Variants in TBCD observed in about 807,000 individuals in gnomAD.
TBCD encodes tubulin folding cofactor D.
A neutral mutation model predicts 169.3 loss-of-function variants in TBCD; 105 were observed. The ratio of observed to expected loss-of-function variants is 0.62; its 90% CI spans 0.53 to 0.73. TBCD has a LOEUF of 0.73. TBCD is among the 30% of genes least tolerant of loss of function. TBCD has a pLI of 0.00. For synonymous variants in TBCD, 700 were observed against 643.9 expected, an observed-to-expected ratio of 1.09 and a Z score of -1.32; for missense variants, 1,444 against 1,600.1, an observed-to-expected ratio of 0.90 and a Z score of 1.66.
At chr17:82,925,533 A>T (rs553611023) in intron 27 of TBCD, among the ~76,000 whole-genome samples, 1 of 151,732 alleles carries the variant, frequency 6.6e-6, no homozygotes, top group South Asian at 2.1e-4. Flanking sequence ...CCTGCCGGGA[A>T]CTCCTGCTTG....
At chr17:82,828,817 T>C (rs901873166) in intron 13 of TBCD, among the ~76,000 whole-genome samples, 1 of 149,200 alleles carries the variant, frequency 6.7e-6, no homozygotes. Flanking sequence ...ACCCACAGGA[T>C]CGAATGTGCA....
At chr17:82,872,943 GCCCGGCA>G (rs1567932306) in intron 14 of TBCD, among the ~76,000 whole-genome samples, 6 of 144,004 alleles carry the variant, frequency 4.2e-5, no homozygotes, top group South Asian at 4.2e-4. Context: ...TCTGAGCCAG[GCCCGGCA>G]CCTCGTGGCC....
chr17:82,861,543 G>A (rs2056765829), intron 13 of TBCD, among the ~76,000 whole-genome samples: 2 of 152,260 alleles, frequency 1.3e-5, no homozygotes, highest in Non-Finnish European at 2.9e-5. Context: ...ACCTGAGCCC[G>A]GCCCCGGTGT....
intron 7 of TBCD, chr17:82,796,102 C>T (rs1402071031): frequency 6.6e-6 from 1 of 152,256 alleles, no homozygotes; most frequent in Non-Finnish European, 1.5e-5. Flanking sequence ...TTCTTATCCC[C>T]CAGGCGCGGT....
chr17:82,909,440 C>T (rs564964758), intron 22 of TBCD, 133 bp downstream of exon 22: 42 of 588,312 alleles, frequency 7.1e-5, no homozygotes, highest in African/African-American at 5.6e-4. Flanking sequence ...GGGTGTCACC[C>T]GGCCCGCTGT....
intron 36 of TBCD, 71 bp downstream of exon 36, chr17:82,938,207 G>A (rs1382246220): frequency 5.9e-5 from 87 of 1,486,136 alleles, no homozygotes; most frequent in Non-Finnish European, 7.3e-5. Flanking sequence ...GAAGGCCTTC[G>A]CTGGCACTGT....
chr17:82,825,997 A>G (rs948935462), intron 13 of TBCD, among the ~76,000 whole-genome samples: 4 of 152,218 alleles, frequency 2.6e-5, no homozygotes, highest in African/African-American at 9.6e-5. Flanking sequence ...TTTTTCTCTC[A>G]CAGAAATTTT....
chr17:82,940,219 G>GCACACACACACACACACACACACACA (rs1422867605), intron 37 of TBCD, among the ~76,000 whole-genome samples: 13 of 94,626 alleles, frequency 1.4e-4, no homozygotes, highest in East Asian at 6.6e-4. Flanking sequence ...ACTTGCACGC[G>GCACACACACACACACACACACACACA]CGCACACACA....
intron 15 of TBCD, among the ~76,000 whole-genome samples, chr17:82,887,820 T>C (rs979579578): frequency 1.3e-5 from 2 of 152,254 alleles, no homozygotes; most frequent in African/African-American, 4.8e-5. Context: ...TTGTGGTCTT[T>C]ACCTGCGTTT....
intron 9 of TBCD, 94 bp from the exon 10 acceptor site, chr17:82,805,781 G>T: frequency 7.0e-7 from 1 of 1,435,890 alleles, no homozygotes; most frequent in South Asian, 1.3e-5. Flanking sequence ...TCACAGGCAC[G>T]CTTTAAGATT....
In TBCD at chr17:82,832,119, C is replaced by T. The variant is rs764451420; in HGVS notation, c.1318+17185C>T. 5.6e-6 allele frequency: 9 copies of T among 1,614,200 alleles called. No individual in the cohort carries two copies. Among genetic ancestry groups the T allele is most frequent in the Non-Finnish European group, 7.6e-6 (9 of 1,180,020 alleles). ...CCCGGGCTTGCAGCTCCAGGTTTTC[C>T]TTGATGTCTTCCCTGGCAGAGCTGT... On this transcript the variant is annotated intron_variant, in intron 13 of 38. Transcript: ENST00000355528. The surrounding 1 kb of genome is among the most constrained non-coding windows in gnomAD (Gnocchi z 4.9).
intron 4 of TBCD, 129 bp from the exon 5 acceptor site, chr17:82,768,291 G>T: frequency 8.8e-7 from 1 of 1,136,572 alleles, no homozygotes; most frequent in Non-Finnish European, 1.3e-6. Context: ...CTGGCCCTGA[G>T]GGTGATGGCA....
chr17:82,869,899 G>A (rs112452881), intron 13 of TBCD, among the ~76,000 whole-genome samples: 9 of 150,010 alleles, frequency 6.0e-5, no homozygotes, highest in South Asian at 2.1e-4. Context: ...CAGGAGCTGC[G>A]TTTCCTTGAG....
At chr17:82,786,971 A>G (rs1162517404) in intron 7 of TBCD, among the ~76,000 whole-genome samples, 1 of 151,850 alleles carries the variant, frequency 6.6e-6, no homozygotes, top group Admixed American at 6.6e-5. Context: ...TCGCTGCCCC[A>G]TTCCCCTCCT....
At chr17:82,872,497 C>T (rs1264460748) in intron 14 of TBCD, among the ~76,000 whole-genome samples, 1 of 152,214 alleles carries the variant, frequency 6.6e-6, no homozygotes, top group East Asian at 1.9e-4. Flanking sequence ...GAGGCCCTGC[C>T]GCGTGCCTGT....
At chr17:82,817,353 G>C (rs547750461) in intron 13 of TBCD, among the ~76,000 whole-genome samples, 8 of 152,312 alleles carry the variant, frequency 5.3e-5, no homozygotes, top group African/African-American at 1.9e-4. Flanking sequence ...CCGGAGTGCA[G>C]TGGCGTGATC....
intron 14 of TBCD, among the ~76,000 whole-genome samples, chr17:82,876,474 G>A (rs1412357185): frequency 6.6e-6 from 1 of 152,210 alleles, no homozygotes; most frequent in Non-Finnish European, 1.5e-5. Context: ...GACGTTGGGT[G>A]TCCTGTTGGA....
intron 7 of TBCD, among the ~76,000 whole-genome samples, chr17:82,792,053 T>TA (rs1157470779): frequency 6.6e-6 from 1 of 152,228 alleles, no homozygotes; most frequent in Non-Finnish European, 1.5e-5. Context: ...ATCACGCCTG[T>TA]AATCCCAGCA....
At chr17:82,768,923 G>A (rs2048163425) in intron 5 of TBCD, among the ~76,000 whole-genome samples, 1 of 152,172 alleles carries the variant, frequency 6.6e-6, no homozygotes, top group African/African-American at 2.4e-5. Flanking sequence ...AGAAAATAAA[G>A]ATAAGCAAGA....
Sources: allele counts gnomAD v4.1 joint callset (sites outside exome capture counted in the v4.1 genomes callset), GRCh38; gene constraint gnomAD v4.1.1; non-coding constraint Gnocchi (gnomAD v3.1); transcripts MANE v1.5; gene names NCBI Gene and HGNC (gene_info 2026-07-23, HGNC 2026-07-21).